GTF2F2: variants seen among roughly 807,000 people sequenced by gnomAD.
The protein encoded by GTF2F2 is ATP-dependent helicase GTF2F2.
Under a neutral mutation model 42.2 loss-of-function variants are expected in GTF2F2, and 23 were observed. That is an observed-to-expected ratio of 0.55 (90% CI 0.39 to 0.77). The LOEUF is 0.77. Among genes scored for constraint, GTF2F2 ranks in the 30% least tolerant of loss-of-function variants. GTF2F2 has a pLI of 0.00. For synonymous variants in GTF2F2, 105 were observed against 100.8 expected (o/e 1.04, Z -0.25); for missense variants, 261 against 287.2 (o/e 0.91, Z 0.66).
intron 4 of GTF2F2, among the ~76,000 whole-genome samples, chr13:45,156,066 C>T (rs1870742977): frequency 6.6e-6 from 1 of 152,068 alleles, no homozygotes; most frequent in Non-Finnish European, 1.5e-5. Context: ...TCCTGAGTAG[C>T]TGGGACTACA....
chr13:45,200,839 A>T (rs1182104218), intron 4 of GTF2F2, among the ~76,000 whole-genome samples: 3 of 152,184 alleles, frequency 2.0e-5, no homozygotes, highest in Non-Finnish European at 4.4e-5. Context: ...TCTTGAAAAG[A>T]TTATTTCTTC....
chr13:45,207,946 C>T (rs1180578433), intron 5 of GTF2F2, among the ~76,000 whole-genome samples: 6 of 152,002 alleles, frequency 3.9e-5, no homozygotes, highest in Non-Finnish European at 8.8e-5. Flanking sequence ...CATTCAAGCC[C>T]AGGAGTTTGA....
At chr13:45,140,630 A>G (rs1869880668) in intron 2 of GTF2F2, among the ~76,000 whole-genome samples, 1 of 152,234 alleles carries the variant, frequency 6.6e-6, no homozygotes, top group South Asian at 2.1e-4. Flanking sequence ...TCACATTTTT[A>G]TGAGTTGTCA....
At chr13:45,180,138 A>G (rs554902607) in intron 4 of GTF2F2, among the ~76,000 whole-genome samples, 139 of 152,330 alleles carry the variant, frequency 9.1e-4, no homozygotes, top group African/African-American at 3.0e-3. Context: ...TCAAGGCTGT[A>G]AAGACTAACA....
intron 4 of GTF2F2, among the ~76,000 whole-genome samples, chr13:45,206,066 A>G (rs966873820): frequency 6.6e-6 from 1 of 152,214 alleles, no homozygotes; most frequent in African/African-American, 2.4e-5. Flanking sequence ...TTTAAACTTT[A>G]TTATAAAATA....
intron 1 of GTF2F2, among the ~76,000 whole-genome samples, chr13:45,127,495 T>A (rs950375360): frequency 1.3e-5 from 2 of 150,346 alleles, no homozygotes; most frequent in Non-Finnish European, 3.0e-5. Flanking sequence ...CCAACTAATT[T>A]TTTTTTTTTT....
intron 5 of GTF2F2, among the ~76,000 whole-genome samples, chr13:45,248,221 C>CT (rs1452357540): frequency 6.6e-6 from 1 of 152,116 alleles, no homozygotes; most frequent in Non-Finnish European, 1.5e-5. Flanking sequence ...TTACTTGATA[C>CT]TTAATAGTCT....
intron 2 of GTF2F2, among the ~76,000 whole-genome samples, chr13:45,149,466 T>TAAAAAAG (rs1870373713): frequency 6.7e-6 from 1 of 148,758 alleles, no homozygotes; most frequent in Non-Finnish European, 1.5e-5. Context: ...AAAGAAAATG[T>TAAAAAAG]AAAAAAGAAA....
chr13:45,177,850 T>TGGA (rs1871959695), intron 4 of GTF2F2, among the ~76,000 whole-genome samples: 1 of 152,232 alleles, frequency 6.6e-6, no homozygotes, highest in African/African-American at 2.4e-5. Flanking sequence ...AGTATTCTAC[T>TGGA]GTTAGTTTTA....
intron 5 of GTF2F2, among the ~76,000 whole-genome samples, chr13:45,247,080 C>T (rs943397046): frequency 2.5e-4 from 32 of 126,262 alleles, no homozygotes; most frequent in Admixed American, 8.8e-4. Context: ...CTGGGCACTG[C>T]GGCTCACGCC....
In GTF2F2 at chr13:45,260,990, G is replaced by A. The variant is rs553697074; in HGVS notation, c.487-6243G>A. On this transcript the variant is annotated intron_variant, in intron 6 of 7. Coordinates refer to ENST00000340473, the MANE Select transcript of GTF2F2 (RefSeq NM_004128.3). ...AAAATACAAAAATTAGCCAGGCATG[G>A]TTGCACACGCCTGTAATCTCAGCTA... Among the ~76,000 whole-genome samples, 4 of 152,310 alleles carry A rather than the reference G, an allele frequency of 2.6e-5. No homozygotes were observed. The East Asian group carries it at 7.7e-4, about 29-fold the overall frequency.
At chr13:45,144,507 C>G (rs566230328) in intron 2 of GTF2F2, among the ~76,000 whole-genome samples, 122 of 122,428 alleles carry the variant, frequency 1.0e-3, no homozygotes, top group Admixed American at 6.5e-3. Flanking sequence ...GTCACCCAGG[C>G]TGGAGTGCAG....
chr13:45,281,377 G>A (rs1333874150), intron 7 of GTF2F2, among the ~76,000 whole-genome samples: 1 of 152,096 alleles, frequency 6.6e-6, no homozygotes, highest in Admixed American at 6.6e-5. Context: ...TAACTAAAAG[G>A]ACTTTATGAA....
intron 6 of GTF2F2, among the ~76,000 whole-genome samples, chr13:45,261,885 A>G (rs534648051): frequency 5.3e-4 from 81 of 152,336 alleles, no homozygotes; most frequent in Non-Finnish European, 9.8e-4. Flanking sequence ...TAAGATTACC[A>G]TTTCTGCACT....
At chr13:45,197,968 T>C (rs1340377503) in intron 4 of GTF2F2, among the ~76,000 whole-genome samples, 3 of 152,270 alleles carry the variant, frequency 2.0e-5, no homozygotes, top group African/African-American at 7.2e-5. Flanking sequence ...TATCTGCCTT[T>C]GCAGGCAAAA....
At chr13:45,278,772 C>G (rs1055489058) in intron 7 of GTF2F2, among the ~76,000 whole-genome samples, 35 of 139,230 alleles carry the variant, frequency 2.5e-4, no homozygotes, top group African/African-American at 9.3e-4. Context: ...ACACATGCCT[C>G]TGTTATATTT....
chr13:45,262,484 T>C (rs563363358), intron 6 of GTF2F2, among the ~76,000 whole-genome samples: 4 of 152,266 alleles, frequency 2.6e-5, no homozygotes, highest in Non-Finnish European at 5.9e-5. Flanking sequence ...TTGGAGTGCA[T>C]TGGTGCATTC....
chr13:45,176,696 T>C (rs1871893121), intron 4 of GTF2F2, among the ~76,000 whole-genome samples: 2 of 152,166 alleles, frequency 1.3e-5, no homozygotes, highest in African/African-American at 4.8e-5. Flanking sequence ...GATCATAAAG[T>C]TATTTTCCTC....
intron 4 of GTF2F2, among the ~76,000 whole-genome samples, chr13:45,182,955 TGTG>T (rs1205872406): frequency 6.6e-6 from 1 of 152,134 alleles, no homozygotes; most frequent in East Asian, 1.9e-4. Flanking sequence ...TTTGGTTAAC[TGTG>T]GCTTCTTCCA....
Sources: gnomAD v4.1 joint callset for allele counts (sites outside exome capture counted in the v4.1 genomes callset) on GRCh38, gnomAD v4.1.1 for gene constraint, MANE v1.5 for transcripts, NCBI Gene and HGNC (gene_info 2026-07-23, HGNC 2026-07-21) for gene names.